The following ANKRD30A variants were observed in gnomAD, a reference collection of about 807,000 sequenced individuals.
The protein encoded by ANKRD30A is ankyrin repeat domain 30A.
Under a neutral mutation model 166.3 loss-of-function variants are expected in ANKRD30A, and 170 were observed. The ratio of observed to expected loss-of-function variants is 1.02; its 90% CI spans 0.90 to 1.16. The LOEUF (loss-of-function observed/expected upper bound fraction) is 1.16. Among genes scored for constraint, ANKRD30A ranks in the 50% most tolerant of loss-of-function variants. The pLI, the probability that ANKRD30A is intolerant of heterozygous loss-of-function variation, is 0.00. For synonymous variants in ANKRD30A, 564 were observed against 508.9 expected (o/e 1.11, Z -1.46); for missense variants, 1,630 against 1,518.0 (o/e 1.07, Z -1.23).
chr10:37,136,709 A>C, intron 6 of ANKRD30A, 38 bp downstream of exon 6: 10 of 1,203,842 alleles, frequency 8.3e-6, no homozygotes, highest in Non-Finnish European at 1.2e-5. Context: ...TGGTGGTGCT[A>C]TCATAAGATT....
chr10:37,130,436 A>T, intron 3 of ANKRD30A, 58 bp downstream of exon 3: 1 of 1,325,198 alleles, frequency 7.5e-7, no homozygotes, highest in Admixed American at 2.9e-5. Context: ...TTTAACATTA[A>T]CATATGTAAG....
At chr10:37,244,287 C>T in the ANKRD30A span, among the ~76,000 whole-genome samples, 1 of 152,156 alleles carries the variant, frequency 6.6e-6, no homozygotes, top group Non-Finnish European at 1.5e-5. Flanking sequence ...TACATCATGA[C>T]ATTGCAGGGT....
At chr10:37,244,498 C>G in the ANKRD30A span, among the ~76,000 whole-genome samples, 2 of 152,346 alleles carry the variant, frequency 1.3e-5, no homozygotes, top group African/African-American at 4.8e-5. Flanking sequence ...AATGAAATGG[C>G]ATTATTCAAG....
intron 9 of ANKRD30A, among the ~76,000 whole-genome samples, chr10:37,149,043 G>A (rs1284907239): frequency 1.3e-5 from 2 of 151,916 alleles, no homozygotes; most frequent in Non-Finnish European, 2.9e-5. Context: ...TTATTTCCAT[G>A]ATGAGTTTTA....
At chr10:37,167,330 T>C (rs4007141) in intron 19 of ANKRD30A, among the ~76,000 whole-genome samples, 1,585 of 142,428 alleles carry the variant, frequency 0.011, 13 homozygotes, top group African/African-American at 0.013. Context: ...ATGTTTTTGA[T>C]GTTCACAATT....
At chr10:37,194,194 A>G (rs988758842) in intron 27 of ANKRD30A, among the ~76,000 whole-genome samples, 6 of 152,104 alleles carry the variant, frequency 3.9e-5, no homozygotes, top group East Asian at 1.9e-4. Context: ...CATCTGAAAA[A>G]GCAAAGAAAT....
chr10:37,149,398 C>G (rs549963234), intron 9 of ANKRD30A, among the ~76,000 whole-genome samples: 25 of 152,164 alleles, frequency 1.6e-4, no homozygotes, highest in African/African-American at 6.0e-4. Flanking sequence ...CTCATATCAA[C>G]CCTTTTTACA....
chr10:37,126,423 A>T (rs922235484), intron 1 of ANKRD30A, among the ~76,000 whole-genome samples: 1 of 152,218 alleles, frequency 6.6e-6, no homozygotes, highest in African/African-American at 2.4e-5. Flanking sequence ...TAATTCCCAT[A>T]ATATATGTAC....
At position 37,132,241 on chromosome 10, in the gene ANKRD30A, C is replaced by T. The variant is rs1564464749; in HGVS notation, c.512C>T (p.Ala171Val). 6.3e-7 allele frequency: 1 copy of T among 1,575,134 alleles called. No individual in the cohort carries two copies. Among genetic ancestry groups the T allele is most frequent in the East Asian group, 2.3e-5 (1 of 44,192 alleles). Reference protein sequence around the residue: ...HGAVIEVHNKASLTPLLLSIT... With the variant: ...HGAVIEVHNKVSLTPLLLSIT... ...ATAAATTGTTTTGCTATTTTACAGG[C>T]TAGCCTCACACCACTTTTACTATCC... Residue 171 changes from alanine to valine, a missense_variant and splice_region_variant, in exon 4 of 36, where the codon GCT becomes GTT. This residue lies in a region of ANKRD30A where 904 missense variants were observed against 818.5 expected (regional missense o/e 1.10). Transcript: ENST00000361713.
intron 15 of ANKRD30A, among the ~76,000 whole-genome samples, chr10:37,161,554 G>C (rs1046290330): frequency 1.2e-4 from 18 of 152,078 alleles, no homozygotes; most frequent in African/African-American, 4.3e-4. Flanking sequence ...TGGAGACTCT[G>C]AGAAGAACAG....
chr10:37,196,094 T>A (rs1169251127), intron 27 of ANKRD30A, among the ~76,000 whole-genome samples: 6 of 31,854 alleles, frequency 1.9e-4, no homozygotes, highest in African/African-American at 6.8e-4. Flanking sequence ...ATATTTTCTA[T>A]TTTTTTTTTT....
In ANKRD30A at chr10:37,158,550, G is replaced by A; in HGVS notation, c.1864G>A (p.Ala622Thr). Residue 622 changes from alanine (A) to threonine (T), a missense_variant, in exon 15 of 36, where the codon GCC becomes ACC. Transcript: ENST00000361713. The stretch of plus-strand genomic sequence containing the variant: ...AATGAAAGTTTCTATTCCAACTAAA[G>A]CCTTAGAATTGAAGGACATGCAAAC... ...CGMKVSIPTK[A>T]LELKDMQTFK... 2 of 1,613,382 alleles carry A rather than the reference G, an allele frequency of 1.2e-6. No homozygotes were observed. The highest frequency in any genetic ancestry group is 1.7e-6 in the Non-Finnish European group (2 of 1,179,690).
rs192283187 is a variant in ANKRD30A at position 37,158,452 on chromosome 10, C to T, written c.1827+32C>T. The T allele has an allele frequency of 3.5e-5, 56 of 1,612,272 alleles. No individual in the cohort carries two copies. In the East Asian group the frequency reaches 6.7e-4, roughly 19 times the overall value. ...ACTTTTATATTTTTGTCTTGAGTAT[C>T]AACTACATATTTTATGAAGTATACA... On this transcript the variant is annotated intron_variant, in intron 14 of 35. Coordinates refer to ENST00000361713, the MANE Select transcript of ANKRD30A (RefSeq NM_052997.3).
At chr10:37,243,285 C>G in the ANKRD30A span, among the ~76,000 whole-genome samples, 8 of 148,608 alleles carry the variant, frequency 5.4e-5, no homozygotes, top group African/African-American at 1.7e-4. Context: ...CAGGCGCCTG[C>G]CACCACGCCC....
Position 37,144,986 on chromosome 10 carries a change from T to G in ANKRD30A, c.1394-9T>G. Reference sequence around the variant, plus strand: ...TATCATGAATATATCTGTGATTAACTTTTTATAGATCAGAGGTTCCCATCA... The same window carrying G: ...TATCATGAATATATCTGTGATTAACGTTTTATAGATCAGAGGTTCCCATCA... On this transcript the variant is annotated splice_polypyrimidine_tract_variant and intron_variant, in intron 7 of 35. Transcript: ENST00000361713. 7.8e-7 allele frequency: 1 copy of G among 1,284,464 alleles called. No individual in the cohort carries two copies. Among genetic ancestry groups the G allele is most frequent in the Non-Finnish European group, 9.9e-7 (1 of 1,007,700 alleles). 79.6% of individuals were successfully genotyped at this position (1,284,464 alleles called of 1,614,324 possible).
At chr10:37,201,100 A>T in intron 30 of ANKRD30A, 135 bp from the exon 31 acceptor site, 1 of 550,072 alleles carries the variant, frequency 1.8e-6, no homozygotes, top group Non-Finnish European at 2.9e-6. Flanking sequence ...TTTTTTTTAT[A>T]CGTGTCTGCT....
At chr10:37,132,491 A>G (rs1836437563) in intron 4 of ANKRD30A, 145 bp downstream of exon 4, 1 of 498,912 alleles carries the variant, frequency 2.0e-6, no homozygotes, top group Admixed American at 4.0e-5. Context: ...AAAAGCAATT[A>G]TTTGGACTGG....
intron 31 of ANKRD30A, among the ~76,000 whole-genome samples, chr10:37,210,795 C>T (rs190262600): frequency 2.2e-3 from 339 of 152,228 alleles, no homozygotes; most frequent in Middle Eastern, 0.02. Context: ...ATATCCTTTG[C>T]TCACTTTATG....
intron 9 of ANKRD30A, 83 bp from the exon 10 acceptor site, chr10:37,149,568 C>T: frequency 6.8e-7 from 1 of 1,472,188 alleles, no homozygotes; most frequent in Non-Finnish European, 9.4e-7. Context: ...CAAGAGGAAT[C>T]AGTTACATAC....
Sources: allele counts gnomAD v4.1 joint callset (sites outside exome capture counted in the v4.1 genomes callset), GRCh38; gene constraint gnomAD v4.1.1; regional missense constraint gnomAD v4.1.1; transcripts MANE v1.5; gene names NCBI Gene and HGNC (gene_info 2026-07-23, HGNC 2026-07-21).